The following CRACR2A variants were observed in gnomAD, a reference collection of about 807,000 sequenced individuals.
CRACR2A encodes EF-hand calcium-binding domain-containing protein 4B.
CRACR2A carries 79 observed loss-of-function variants against 90.5 expected under a neutral mutation model. The observed-to-expected ratio is 0.87, with a 90% CI of 0.73 to 1.05. CRACR2A has a LOEUF of 1.05. Ranked by LOEUF, CRACR2A falls within the 50% of genes least tolerant of loss-of-function variation. CRACR2A has a pLI of 0.00. For synonymous variants in CRACR2A, 338 were observed against 356.7 expected, an observed-to-expected ratio of 0.95 and a Z score of 0.59; for missense variants, 823 against 897.2, an observed-to-expected ratio of 0.92 and a Z score of 1.06.
intron 19 of CRACR2A, 62 bp downstream of exon 19, chr12:3,616,892 T>C: frequency 7.5e-7 from 1 of 1,339,400 alleles, no homozygotes; most frequent in Non-Finnish European, 1.0e-6. Context: ...ACACGGTGCC[T>C]CCCTGAAGGC....
chr12:3,615,812 G>C (rs1172472763), intron 19 of CRACR2A, among the ~76,000 whole-genome samples: 2 of 152,198 alleles, frequency 1.3e-5, no homozygotes, highest in Non-Finnish European at 2.9e-5. Context: ...TGAGTTGCTT[G>C]GGACTGAGAC....
intron 6 of CRACR2A, among the ~76,000 whole-genome samples, chr12:3,677,775 C>T (rs1327757144): frequency 6.6e-6 from 1 of 152,208 alleles, no homozygotes; most frequent in East Asian, 1.9e-4. Context: ...CTTCAGCAAA[C>T]CTGCTACTGC....
chr12:3,645,892 T>C (rs1384923150), intron 11 of CRACR2A, among the ~76,000 whole-genome samples: 1 of 152,060 alleles, frequency 6.6e-6, no homozygotes, highest in Non-Finnish European at 1.5e-5. Context: ...TCAAAAGAGA[T>C]AAAACTGACA....
chr12:3,701,237 T>C lies in CRACR2A; in HGVS notation c.-36-4202A>G, dbSNP rs189004219. 4.0e-5 allele frequency among the ~76,000 whole-genome samples: 6 copies of C among 151,800 alleles called. No homozygotes were observed. The East Asian group carries it at 1.2e-3, about 29-fold the overall frequency. ...GTACTAAGGAAAAAATTTATAGCGC[T>C]AATCATATATACTTGGAAAGAAGAA... On this transcript the variant is annotated intron_variant, in intron 3 of 19. Coordinates refer to ENST00000440314, the MANE Select transcript of CRACR2A (RefSeq NM_001144958.2).
At chr12:3,750,437 C>T (rs377751332) in intron 1 of CRACR2A, among the ~76,000 whole-genome samples, 1 of 152,158 alleles carries the variant, frequency 6.6e-6, no homozygotes, top group African/African-American at 2.4e-5. Context: ...TCTAGAACAC[C>T]GTGATTCTAT....
chr12:3,698,990 A>G (rs1454396794), intron 3 of CRACR2A, among the ~76,000 whole-genome samples: 1 of 152,154 alleles, frequency 6.6e-6, no homozygotes, highest in Non-Finnish European at 1.5e-5. Flanking sequence ...GAGGTTAATA[A>G]TATCTGTCAT....
At position 3,696,891 on chromosome 12, in the gene CRACR2A, C is replaced by G; in HGVS notation, c.109G>C (p.Glu37Gln). 3 of 1,614,230 alleles carry G rather than the reference C, an allele frequency of 1.9e-6. No individual in the cohort carries two copies. The highest frequency in any genetic ancestry group is 2.5e-6 in the Non-Finnish European group (3 of 1,180,042). Residue 37 changes from glutamate (E) to glutamine (Q), a missense_variant, in exon 4 of 20, where the codon GAG becomes CAG. Physicochemically the swap from Glu to Gln is conservative, Grantham distance 29. Transcript: ENST00000440314. ...GACLHPLDSL[E>Q]QKETQEQTSG... is the part of the protein sequence containing the mutation. ...GTTTGCTCCTGAGTCTCCTTCTGCTCCAGGCTGTCCAGGGGATGCAGGCAG... is the reference window on the plus strand; with the variant it reads ...GTTTGCTCCTGAGTCTCCTTCTGCTGCAGGCTGTCCAGGGGATGCAGGCAG...
chr12:3,687,778 C>T (rs1451522894), intron 4 of CRACR2A, among the ~76,000 whole-genome samples: 1 of 152,210 alleles, frequency 6.6e-6, no homozygotes, highest in Non-Finnish European at 1.5e-5. Context: ...CTGCTTTCCA[C>T]AATGGTTGAA....
intron 17 of CRACR2A, among the ~76,000 whole-genome samples, chr12:3,626,116 T>C (rs961751929): frequency 6.6e-5 from 10 of 152,202 alleles, no homozygotes; most frequent in Admixed American, 6.5e-4. Flanking sequence ...AGTAGGCAAA[T>C]TCTTGAGAAA....
intron 3 of CRACR2A, among the ~76,000 whole-genome samples, chr12:3,712,450 A>G (rs565544784): frequency 7.0e-4 from 106 of 152,324 alleles, no homozygotes; most frequent in Non-Finnish European, 1.2e-3. Context: ...AGGAGCTTGC[A>G]TGTCAGATGG....
At chr12:3,639,643 A>G (rs1944526708) in intron 13 of CRACR2A, among the ~76,000 whole-genome samples, 2 of 152,162 alleles carry the variant, frequency 1.3e-5, no homozygotes, top group South Asian at 2.1e-4. Flanking sequence ...ACTCTTAAAG[A>G]TCAACAGTAG....
intron 2 of CRACR2A, among the ~76,000 whole-genome samples, chr12:3,722,471 C>T (rs1946197265): frequency 6.6e-6 from 1 of 152,146 alleles, no homozygotes; most frequent in Admixed American, 6.5e-5. Flanking sequence ...GGAGACTAGA[C>T]CCATGAGAGG....
At chr12:3,747,882 G>A (rs1250555717) in intron 1 of CRACR2A, among the ~76,000 whole-genome samples, 1 of 151,770 alleles carries the variant, frequency 6.6e-6, no homozygotes, top group African/African-American at 2.4e-5. Flanking sequence ...AGGCTCAGGG[G>A]TGCACCCAGA....
chr12:3,729,230 G>A (rs1946321469), intron 2 of CRACR2A: 1 of 152,174 alleles, frequency 6.6e-6, no homozygotes. Context: ...AGCTGTCAAG[G>A]AACAGCCGTC....
At position 3,633,229 on chromosome 12, in the gene CRACR2A, G is replaced by T. The variant is rs993683802; in HGVS notation, c.1735+375C>A. ...TCGGGAGGAGTCCTGGTCAGTTCAG[G>T]GGGAGCAGGAAGACCCAGGACCCTG... is the stretch of plus-strand genomic sequence containing the variant. On this transcript the variant is annotated intron_variant, in intron 15 of 19. Coordinates refer to ENST00000440314, the MANE Select transcript of CRACR2A (RefSeq NM_001144958.2). The surrounding 1 kb of genome is among the most constrained non-coding windows in gnomAD (Gnocchi z 4.5). Among the ~76,000 whole-genome samples, 3 of 152,072 alleles carry T rather than the reference G, an allele frequency of 2.0e-5. No individual in the cohort carries two copies. Among genetic ancestry groups the T allele is most frequent in the Non-Finnish European group, 4.4e-5 (3 of 67,994 alleles).
At chr12:3,674,138 C>T (rs959892548) in intron 6 of CRACR2A, among the ~76,000 whole-genome samples, 3 of 152,168 alleles carry the variant, frequency 2.0e-5, no homozygotes, top group African/African-American at 7.2e-5. Context: ...GTCCTCACTG[C>T]TGAGAGGTAA....
At chr12:3,676,903 A>G (rs1304416268) in intron 6 of CRACR2A, among the ~76,000 whole-genome samples, 3 of 152,054 alleles carry the variant, frequency 2.0e-5, no homozygotes, top group Admixed American at 2.0e-4. Flanking sequence ...AGATTTGCAG[A>G]CCCACCTGCT....
chr12:3,694,282 A>G (rs1264118428), intron 4 of CRACR2A, among the ~76,000 whole-genome samples: 20 of 152,112 alleles, frequency 1.3e-4, no homozygotes, highest in Non-Finnish European at 4.4e-5. Context: ...GCTGTCTGTG[A>G]CTTTCTTCCC....
chr12:3,656,603 G>A (rs141795924), intron 8 of CRACR2A, among the ~76,000 whole-genome samples, 197 bp from the exon 9 acceptor site: 51 of 152,312 alleles, frequency 3.3e-4, no homozygotes, highest in African/African-American at 1.2e-3. Context: ...GATAGTGCAA[G>A]CGCTTAGTGA....
Sources: gnomAD v4.1 joint callset for allele counts (sites outside exome capture counted in the v4.1 genomes callset) on GRCh38, gnomAD v4.1.1 for gene constraint, Gnocchi (gnomAD v3.1) non-coding constraint, MANE v1.5 for transcripts, NCBI Gene and HGNC (gene_info 2026-07-23, HGNC 2026-07-21) for gene names.